CSMD1: variants seen among roughly 807,000 people sequenced by gnomAD.
The protein encoded by CSMD1 is CUB and sushi domain-containing protein 1.
In CSMD1, 213 loss-of-function variants were observed where a neutral mutation model predicts 417.5. The ratio of observed to expected loss-of-function variants is 0.51; its 90% CI spans 0.46 to 0.57. The LOEUF (loss-of-function observed/expected upper bound fraction) is 0.57, where lower values mean the gene tolerates loss of function less well. Among genes scored for constraint, CSMD1 ranks in the 20% least tolerant of loss-of-function variants. The pLI is 0.00. For synonymous variants in CSMD1, 2,862 were observed against 1,736.8 expected (o/e 1.65, Z -16.11); for missense variants, 6,923 against 4,529.7 (o/e 1.53, Z -15.17).
rs1383733745 is a variant in CSMD1, at chr8:3,708,480, T to C, written c.943A>G (p.Ile315Val). The change falls in exon 7 of 70, where the codon ATT becomes GTT. Residue 315 changes from isoleucine to valine, a missense_variant. Physicochemically the swap from Ile to Val is conservative, Grantham distance 29. Transcript: ENST00000635120. Reference protein sequence around the residue: ...FNAQFQVKKAIELKSRGVKML... With the variant: ...FNAQFQVKKAVELKSRGVKML... ...TTGACTCCTCTTGACTTCAACTCAATCGCCTTTTTCACTGGAAGAAACAAA... is the reference window on the plus strand; with the variant it reads ...TTGACTCCTCTTGACTTCAACTCAACCGCCTTTTTCACTGGAAGAAACAAA... 6.2e-7 allele frequency: 1 copy of C among 1,613,802 alleles called. No homozygotes were observed. The highest frequency in any genetic ancestry group is 1.3e-5 in the African/African-American group (1 of 74,896).
At chr8:3,450,251 G>T (rs992709835) in intron 12 of CSMD1, among the ~76,000 whole-genome samples, 2 of 151,940 alleles carry the variant, frequency 1.3e-5, no homozygotes, top group Non-Finnish European at 2.9e-5. Context: ...TCTCTGTCAT[G>T]ACCTAATCAG....
At chr8:3,839,703 G>A (rs1041777255) in intron 5 of CSMD1, among the ~76,000 whole-genome samples, 1 of 149,284 alleles carries the variant, frequency 6.7e-6, no homozygotes, top group East Asian at 2.0e-4. Context: ...CTGTTGTGGA[G>A]AATGAACAAG....
chr8:3,988,631 G>A (rs1247984660), intron 5 of CSMD1, among the ~76,000 whole-genome samples: 3 of 152,180 alleles, frequency 2.0e-5, no homozygotes, highest in Admixed American at 2.0e-4. Flanking sequence ...ACGTTTAATA[G>A]ATAAATATGT....
chr8:4,757,361 A>T (rs1239434206), intron 1 of CSMD1, among the ~76,000 whole-genome samples: 1 of 152,184 alleles, frequency 6.6e-6, no homozygotes, highest in African/African-American at 2.4e-5. Context: ...GCCCCAACTC[A>T]GTCTTTAAGA....
chr8:3,159,357 G>A (rs1466524410), intron 38 of CSMD1, among the ~76,000 whole-genome samples: 2 of 152,002 alleles, frequency 1.3e-5, no homozygotes, highest in East Asian at 3.9e-4. Context: ...TACACCAATG[G>A]GAATTTTCTT....
chr8:4,185,922 C>A (rs763016671), intron 3 of CSMD1, among the ~76,000 whole-genome samples: 1 of 152,096 alleles, frequency 6.6e-6, no homozygotes, highest in African/African-American at 2.4e-5. Flanking sequence ...ACGTTGAGTT[C>A]ATTTCCCTGC....
chr8:4,936,966 C>T (rs1327799872), intron 1 of CSMD1, among the ~76,000 whole-genome samples: 1 of 152,112 alleles, frequency 6.6e-6, no homozygotes, highest in East Asian at 1.9e-4. Flanking sequence ...ACCCTAGCAC[C>T]TTAGCAGGCC....
chr8:3,774,032 C>A (rs1798764584), intron 5 of CSMD1, among the ~76,000 whole-genome samples: 1 of 152,134 alleles, frequency 6.6e-6, no homozygotes, highest in African/African-American at 2.4e-5. Context: ...TCCTACCTAT[C>A]TTTCATTCTT....
intron 7 of CSMD1, among the ~76,000 whole-genome samples, chr8:3,626,218 G>C (rs1483014318): frequency 1.3e-5 from 2 of 152,156 alleles, no homozygotes; most frequent in African/African-American, 4.8e-5. Context: ...CCTGGGGAGA[G>C]CACCGGCTTA....
intron 1 of CSMD1, among the ~76,000 whole-genome samples, chr8:4,951,443 G>T (rs573335888): frequency 6.9e-6 from 1 of 145,852 alleles, no homozygotes; most frequent in African/African-American, 2.5e-5. Flanking sequence ...GAAAGAAAGA[G>T]GGAAGGAAGG....
chr8:4,144,794 T>C lies in CSMD1; in HGVS notation c.416-112695A>G, dbSNP rs896342146. Among the ~76,000 whole-genome samples, 2 of 151,154 alleles carry C rather than the reference T, an allele frequency of 1.3e-5. 1 individual carries two copies. The highest frequency in any genetic ancestry group is 4.9e-5 in the African/African-American group (2 of 40,494). On this transcript the variant is annotated intron_variant, in intron 3 of 69. Coordinates refer to ENST00000635120, the MANE Select transcript of CSMD1 (RefSeq NM_033225.6). ...AATGATGGATTTACCAGGTTGTCAG[T>C]AAGAGTTGCATCACCAAAAAGCAAC...
intron 2 of CSMD1, among the ~76,000 whole-genome samples, chr8:4,608,293 C>G (rs1800989558): frequency 6.6e-6 from 1 of 152,138 alleles, no homozygotes; most frequent in Non-Finnish European, 1.5e-5. Context: ...TAAGGAGGCC[C>G]AAGGGCAAAG....
intron 5 of CSMD1, among the ~76,000 whole-genome samples, chr8:3,923,251 T>C (rs1467118483): frequency 6.6e-6 from 1 of 152,014 alleles, no homozygotes; most frequent in Non-Finnish European, 1.5e-5. Context: ...TCTTCCAGAG[T>C]CTGGTGAGTG....
chr8:3,204,870 A>C (rs1448641805), intron 31 of CSMD1, among the ~76,000 whole-genome samples: 2 of 152,224 alleles, frequency 1.3e-5, no homozygotes, highest in Non-Finnish European at 2.9e-5. Flanking sequence ...ATCCAAGATA[A>C]ATTGTCCTGG....
intron 5 of CSMD1, among the ~76,000 whole-genome samples, chr8:3,879,836 CGTGTGT>C (rs55713446): frequency 1.3e-5 from 2 of 150,530 alleles, no homozygotes; most frequent in Non-Finnish European, 3.0e-5. Flanking sequence ...TGTGCGTGTG[CGTGTGT>C]GTGTGTGTGT....
chr8:3,573,938 G>A (rs373816949), intron 10 of CSMD1, among the ~76,000 whole-genome samples: 30 of 151,428 alleles, frequency 2.0e-4, no homozygotes, highest in African/African-American at 5.8e-4. Flanking sequence ...TCTTCCTACT[G>A]GCAAGCATCT....
intron 5 of CSMD1, among the ~76,000 whole-genome samples, chr8:3,784,392 C>T (rs1044656272): frequency 1.3e-5 from 2 of 152,082 alleles, no homozygotes; most frequent in African/African-American, 2.4e-5. Context: ...GATTCTTCAG[C>T]CCAGAAATAA....
intron 1 of CSMD1, among the ~76,000 whole-genome samples, chr8:4,834,384 T>C (rs1482067674): frequency 6.6e-6 from 1 of 152,032 alleles, no homozygotes; most frequent in Non-Finnish European, 1.5e-5. Context: ...AGGAGAGATA[T>C]AAGCAATATA....
At position 4,138,195 on chromosome 8, in the gene CSMD1, G is replaced by A. The variant is rs557405538; in HGVS notation, c.416-106096C>T. ...CTCCCAAAGTGCTGGGATTACAGGC[G>A]CAGCCTTACATTTTTTTTTTTTTTT... On this transcript the variant is annotated intron_variant, in intron 3 of 69. Transcript: ENST00000635120. Among the ~76,000 whole-genome samples the A allele has an allele frequency of 1.5e-4, 21 of 137,064 alleles. 2 individuals are homozygous for A. The highest frequency in any genetic ancestry group is 3.4e-4 in the African/African-American group (13 of 37,722). The allele number at this position is 137,064 out of a possible 152,430, so 89.9% of individuals were successfully genotyped here.
Sources: allele counts gnomAD v4.1 joint callset (sites outside exome capture counted in the v4.1 genomes callset), GRCh38; gene constraint gnomAD v4.1.1; transcripts MANE v1.5; gene names NCBI Gene and HGNC (gene_info 2026-07-23, HGNC 2026-07-21).